ECI2: variants seen among roughly 807,000 people sequenced by gnomAD.
ECI2 encodes the protein D3,D2-enoyl-CoA isomerase.
In ECI2, 27 loss-of-function variants were observed where a neutral mutation model predicts 38.4. The observed-to-expected ratio is 0.70, with a 90% CI of 0.52 to 0.97. The LOEUF (loss-of-function observed/expected upper bound fraction) is 0.97. Ranked by LOEUF, ECI2 falls within the 50% of genes least tolerant of loss-of-function variation. The probability of loss-of-function intolerance (pLI) is 0.00; values close to 1 mark genes in which losing one functional copy is unlikely to be tolerated. For synonymous variants in ECI2, 168 were observed against 172.0 expected (o/e 0.98, Z 0.18); for missense variants, 470 against 474.4 (o/e 0.99, Z 0.09).
At chr6:4,131,281 C>A (rs1210506750) in intron 2 of ECI2, among the ~76,000 whole-genome samples, 1 of 151,950 alleles carries the variant, frequency 6.6e-6, no homozygotes, top group Admixed American at 6.6e-5. Flanking sequence ...CAAAAAAAAA[C>A]ACCACTAATT....
At chr6:4,135,390 G>C (rs1448268230) in intron 1 of ECI2, 121 bp downstream of exon 1, 1 of 1,561,042 alleles carries the variant, frequency 6.4e-7, no homozygotes. Context: ...AACCAGCAAA[G>C]CAAAATCCTG....
At chr6:4,127,946 A>G in intron 4 of ECI2, 115 bp from the exon 5 acceptor site, 1 of 936,816 alleles carries the variant, frequency 1.1e-6, no homozygotes, top group East Asian at 2.7e-5. Context: ...CCTAACATTT[A>G]TTTTGGTTGT....
In ECI2 at chr6:4,133,533, G is replaced by T; in HGVS notation, c.213+16C>A. 1.3e-6 allele frequency: 2 copies of T among 1,584,196 alleles called. No individual in the cohort carries two copies. The highest frequency in any genetic ancestry group is 2.3e-5 in the South Asian group (2 of 86,186). On this transcript the variant is annotated intron_variant, in intron 2 of 9. Coordinates refer to ENST00000380118, the MANE Select transcript of ECI2 (RefSeq NM_206836.3). ...GCCCAAAATTCTTTAAATAACGTTC[G>T]ACCGTAGGCATTTACCTGCTTATAT...
intron 6 of ECI2, 116 bp downstream of exon 6, chr6:4,126,013 CCAAAGT>C (rs1401254318): frequency 1.3e-5 from 10 of 791,024 alleles, no homozygotes; most frequent in Non-Finnish European, 2.1e-5. Context: ...ATATGCTTGT[CCAAAGT>C]CACAATTAAC....
At chr6:4,135,202 G>T in intron 1 of ECI2, 2 of 760,946 alleles carry the variant, frequency 2.6e-6, no homozygotes, top group South Asian at 1.5e-5. Context: ...CGGCTCACCC[G>T]CCCGGAGTCC....
Position 4,125,277 on chromosome 6 carries a change from TAGC to T in ECI2, c.765_767del (p.Leu256del), listed in dbSNP as rs1773071284. The stretch of plus-strand genomic sequence containing the variant: ...TGTCAGATGCATACACGGCATCGAA[TAGC>T]CCAAGGAGGGTGACGGAGATGCCCA... On this transcript the variant is annotated inframe_deletion, in exon 7 of 10. Transcript: ENST00000380118. 1 of 1,614,052 alleles carries T rather than the reference TAGC, an allele frequency of 6.2e-7. No homozygotes were observed. The highest frequency in any genetic ancestry group is 8.5e-7 in the Non-Finnish European group (1 of 1,180,048).
intron 7 of ECI2, among the ~76,000 whole-genome samples, chr6:4,120,393 G>A (rs1301715285): frequency 3.9e-5 from 6 of 152,190 alleles, no homozygotes; most frequent in African/African-American, 1.4e-4. Flanking sequence ...ACTCTAGGCA[G>A]TTATAACAAA....
At position 4,134,283 on chromosome 6, in the gene ECI2, A is replaced by G. The variant is rs139013843; in HGVS notation, c.51-572T>C. Among the ~76,000 whole-genome samples, 891 of 152,312 alleles carry G rather than the reference A, an allele frequency of 5.8e-3. 8 individuals are homozygous for G. Among genetic ancestry groups the G allele is most frequent in the African/African-American group, 0.02 (838 of 41,564 alleles). ...TTGCTGGCATTCCAGATAGAGCCAC[A>G]GCCTTCTCAGCAGATGGGAGGGAAT... On this transcript the variant is annotated intron_variant, in intron 1 of 9. Transcript: ENST00000380118.
chr6:4,115,912 C>A lies in ECI2; in HGVS notation c.1147G>T (p.Ala383Ser). ...GRWLSDECTN[A>S]VVNFLSRKSK... The stretch of plus-strand genomic sequence containing the variant: ...TTTCTGGATAAGAAGTTCACCACAG[C>A]ATTTGTGCATTCATCTGATAGCCAT... The change falls in exon 10 of 10, where the codon GCT (alanine) becomes TCT (serine). Residue 383 changes from alanine to serine, a missense_variant. Coordinates refer to ENST00000380118, the MANE Select transcript of ECI2 (RefSeq NM_206836.3). 1 of 1,614,086 alleles carries A rather than the reference C, an allele frequency of 6.2e-7. No homozygotes were observed. The highest frequency in any genetic ancestry group is 8.5e-7 in the Non-Finnish European group (1 of 1,180,000).
At position 4,127,780 on chromosome 6, in the gene ECI2, T is replaced by G; in HGVS notation, c.553A>C (p.Ile185Leu). Reference protein sequence around the residue: ...ALKAASKDDSIITVLTGNGDY... With the variant: ...ALKAASKDDSLITVLTGNGDY... ...GTCTTACCTGTTAAAACAGTGATGATTGAGTCATCCTTGCTGGCAGCTTTA... is the reference window on the plus strand; with the variant it reads ...GTCTTACCTGTTAAAACAGTGATGAGTGAGTCATCCTTGCTGGCAGCTTTA... The change falls in exon 5 of 10, where the codon ATC becomes CTC. Residue 185 changes from isoleucine (I) to leucine (L), a missense_variant. Physicochemically the swap from Ile to Leu is conservative, Grantham distance 5. Coordinates refer to ENST00000380118, the MANE Select transcript of ECI2 (RefSeq NM_206836.3). 1 of 1,613,404 alleles carries G rather than the reference T, an allele frequency of 6.2e-7. No homozygotes were observed. The highest frequency in any genetic ancestry group is 8.5e-7 in the Non-Finnish European group (1 of 1,179,652).
intron 9 of ECI2, 73 bp downstream of exon 9, chr6:4,117,235 C>A (rs1337168129): frequency 1.3e-6 from 2 of 1,517,710 alleles, no homozygotes; most frequent in African/African-American, 1.4e-5. Flanking sequence ...ATGACTTATT[C>A]TCTGAAGGCA....
At chr6:4,121,432 T>C (rs1423093115) in intron 7 of ECI2, among the ~76,000 whole-genome samples, 1 of 152,232 alleles carries the variant, frequency 6.6e-6, no homozygotes, top group Non-Finnish European at 1.5e-5. Context: ...TTCTCTCATA[T>C]GGTTTTAATA....
intron 4 of ECI2, 71 bp from the exon 5 acceptor site, chr6:4,127,902 A>AT: frequency 6.9e-7 from 1 of 1,453,792 alleles, no homozygotes; most frequent in African/African-American, 1.4e-5. Context: ...GGACTCAACA[A>AT]ATGTCAGGCT....
At chr6:4,119,108 G>A (rs1375198425) in intron 8 of ECI2, 78 bp downstream of exon 8, 2 of 1,183,168 alleles carry the variant, frequency 1.7e-6, no homozygotes, top group Admixed American at 4.6e-5. Context: ...GGGAAAGAAG[G>A]GAGAGTATAT....
chr6:4,134,012 A>C (rs575358260), intron 1 of ECI2, among the ~76,000 whole-genome samples: 3 of 152,360 alleles, frequency 2.0e-5, no homozygotes, highest in African/African-American at 7.2e-5. Context: ...AATTTTGCCA[A>C]AGGCAAGAAG....
chr6:4,125,952 G>A lies in ECI2; in HGVS notation c.674+183C>T, dbSNP rs1411570683. ...CCAGCAGGATGAACAGGTAACAGAG[G>A]TCAAAGAGAAAGAATGAATGCCCAC... On this transcript the variant is annotated intron_variant, in intron 6 of 9. Transcript: ENST00000380118. The A allele has an allele frequency of 3.1e-5, 21 of 685,476 alleles. No individual in the cohort carries two copies. In the East Asian group the frequency reaches 5.5e-4, roughly 18 times the overall value. 42.5% of individuals were successfully genotyped at this position (685,476 alleles called of 1,614,324 possible).
At chr6:4,130,947 G>T in intron 2 of ECI2, 82 bp from the exon 3 acceptor site, 1 of 1,278,654 alleles carries the variant, frequency 7.8e-7, no homozygotes, top group Non-Finnish European at 1.1e-6. Flanking sequence ...AAATCTGTAA[G>T]TACATGAATG....
Position 4,130,479 on chromosome 6 carries a change from T to C in ECI2, c.394A>G (p.Thr132Ala). Reference sequence around the variant, plus strand: ...TCAAACCCAGTTGATTTCCTGTCTGTTCCAGGCTCCACCTGACTAGAGGAT... The same window carrying C: ...TCAAACCCAGTTGATTTCCTGTCTGCTCCAGGCTCCACCTGACTAGAGGAT... Reference protein sequence around the residue: ...LESSSQVEPGTDRKSTGFETL... With the variant: ...LESSSQVEPGADRKSTGFETL... Residue 132 changes from threonine to alanine, a missense_variant, in exon 4 of 10, where the codon ACA (threonine) becomes GCA (alanine). Physicochemically the swap from Thr to Ala is moderately conservative, Grantham distance 58. Transcript: ENST00000380118. 1 of 1,614,242 alleles carries C rather than the reference T, an allele frequency of 6.2e-7. No individual in the cohort carries two copies. The highest frequency in any genetic ancestry group is 1.1e-5 in the South Asian group (1 of 91,086).
intron 4 of ECI2, among the ~76,000 whole-genome samples, chr6:4,128,720 A>G (rs1400946916): frequency 6.6e-6 from 1 of 152,222 alleles, no homozygotes; most frequent in Non-Finnish European, 1.5e-5. Context: ...ACAACAATTT[A>G]ATATAGCATT....
Sources: gnomAD v4.1 joint callset for allele counts (sites outside exome capture counted in the v4.1 genomes callset) on GRCh38, gnomAD v4.1.1 for gene constraint, MANE v1.5 for transcripts, NCBI Gene and HGNC (gene_info 2026-07-23, HGNC 2026-07-21) for gene names.